Variants in TEX11 observed in about 807,000 individuals in gnomAD.
TEX11 encodes testis expressed 11.
In TEX11, 7 loss-of-function variants were observed where a neutral mutation model predicts 84.4. The ratio of observed to expected loss-of-function variants is 0.08; its 90% CI spans 0.05 to 0.16. The LOEUF is 0.16. Ranked by LOEUF, TEX11 falls within the 10% of genes least tolerant of loss-of-function variation. TEX11 has a pLI of 1.00. For missense variants in TEX11, 551 were observed against 660.5 expected (o/e 0.83, Z 1.82); for synonymous variants, 264 against 222.8 (o/e 1.18, Z -1.64).
rs751207556 is a variant in TEX11 at position 70,561,427 on chromosome X, G to A, written c.2141-6627C>T. Among the ~76,000 whole-genome samples, 18 of 88,669 alleles carry A rather than the reference G, an allele frequency of 2.0e-4. No individual in the cohort carries two copies. The East Asian group carries it at 3.5e-3, about 17-fold the overall frequency. 77.0% of individuals were successfully genotyped at this position (88,669 alleles called of 115,157 possible). On this transcript the variant is annotated intron_variant, in intron 25 of 29. Coordinates refer to ENST00000374333, the MANE Select transcript of TEX11 (RefSeq NM_031276.3). The stretch of plus-strand genomic sequence containing the variant: ...TTTTTTGACAGAGTCTCGTTCTGTC[G>A]CCCAGGCTGGAGTGTGGTGGCGTGA...
chrX:70,731,366 C>G (rs2090648844), intron 11 of TEX11, among the ~76,000 whole-genome samples: 1 of 110,814 alleles, frequency 9.0e-6, no homozygotes, highest in Admixed American at 9.6e-5. Flanking sequence ...AATCCAGGAG[C>G]TGGTTTTTTG....
intron 25 of TEX11, among the ~76,000 whole-genome samples, chrX:70,555,843 T>C (rs2088279510): frequency 8.9e-6 from 1 of 112,283 alleles, no homozygotes; most frequent in Non-Finnish European, 1.9e-5. Context: ...TATATATTTC[T>C]TCTTGAGGGA....
chrX:70,575,778 C>T (rs2088665453), intron 25 of TEX11, among the ~76,000 whole-genome samples: 2 of 111,951 alleles, frequency 1.8e-5, no homozygotes, highest in African/African-American at 6.5e-5. Flanking sequence ...AGATAATCCC[C>T]AAACTAACAA....
At chrX:70,590,781 C>A (rs866253623) in intron 25 of TEX11, among the ~76,000 whole-genome samples, 1 of 111,600 alleles carries the variant, frequency 9.0e-6, no homozygotes, top group Non-Finnish European at 1.9e-5. Flanking sequence ...GAGTTTCGCT[C>A]TTGTTGCCCA....
At chrX:70,844,045 C>T (rs1332178710) in intron 7 of TEX11, among the ~76,000 whole-genome samples, 2 of 110,384 alleles carry the variant, frequency 1.8e-5, no homozygotes, top group Non-Finnish European at 3.8e-5. Flanking sequence ...TTGTGGAAGT[C>T]AGTGTGGCGA....
intron 13 of TEX11, among the ~76,000 whole-genome samples, chrX:70,705,527 A>G (rs1218951120): frequency 8.9e-6 from 1 of 111,894 alleles, no homozygotes; most frequent in Non-Finnish European, 1.9e-5. Flanking sequence ...CAGGCAACCT[A>G]CAGAATGGGA....
chrX:70,798,628 C>T (rs2091169664), intron 9 of TEX11, among the ~76,000 whole-genome samples: 1 of 111,914 alleles, frequency 8.9e-6, no homozygotes, highest in Admixed American at 9.5e-5. Context: ...ATGGTATGGA[C>T]ATTTTAAAAA....
the TEX11 span, among the ~76,000 whole-genome samples, chrX:70,514,986 T>G: frequency 9.1e-6 from 1 of 109,721 alleles, no homozygotes; most frequent in South Asian, 4.0e-4. Flanking sequence ...GAGAATCACT[T>G]GAACCTGGGA....
chrX:70,610,498 T>G lies in TEX11; in HGVS notation c.1792+5A>C, dbSNP rs1796426901. ...AGGACTGAATATAACCAGGGAGATA[T>G]TTACCTCTATTCAGGCAAGTCAAAA... On this transcript the variant is annotated splice_donor_5th_base_variant and intron_variant, in intron 21 of 29. Coordinates refer to ENST00000374333, the MANE Select transcript of TEX11 (RefSeq NM_031276.3). 8.3e-7 allele frequency: 1 copy of G among 1,201,827 alleles called. No homozygotes were observed. Among genetic ancestry groups the G allele is most frequent in the Admixed American group, 2.2e-5 (1 of 44,966 alleles).
chrX:70,702,706 C>T (rs1229557460), intron 13 of TEX11, among the ~76,000 whole-genome samples: 1 of 111,635 alleles, frequency 9.0e-6, no homozygotes, highest in East Asian at 2.8e-4. Flanking sequence ...TCCTTCTCCC[C>T]ACCATCCCTA....
At chrX:70,622,930 T>C (rs1231880776) in intron 20 of TEX11, among the ~76,000 whole-genome samples, 2 of 112,191 alleles carry the variant, frequency 1.8e-5, no homozygotes, top group African/African-American at 6.5e-5. Context: ...TTATCATGTC[T>C]AAAAGTTAAT....
chrX:70,644,108 A>G (rs1198597046), intron 17 of TEX11, among the ~76,000 whole-genome samples: 1 of 102,625 alleles, frequency 9.7e-6, no homozygotes, highest in East Asian at 3.1e-4. Flanking sequence ...AAAAGTGGGC[A>G]AAGGACATGA....
chrX:70,520,200 CT>C, the TEX11 span, among the ~76,000 whole-genome samples: 1 of 111,929 alleles, frequency 8.9e-6, no homozygotes, highest in African/African-American at 3.2e-5. Flanking sequence ...AAGAGGTGCT[CT>C]GGTTTTTAGA....
At chrX:70,764,106 C>T (rs974235229) in intron 9 of TEX11, among the ~76,000 whole-genome samples, 1 of 111,684 alleles carries the variant, frequency 9.0e-6, no homozygotes, top group Non-Finnish European at 1.9e-5. Context: ...GTTGTAAACA[C>T]GCAAAAATTC....
At position 70,584,289 on chromosome X, in the gene TEX11, C is replaced by CAA. The variant is rs143182132; in HGVS notation, c.2140+7460_2140+7461dup. ...TGGGCGACAGAGCGAGACTCCGTCT[C>CAA]AAAAAAAAAAAAAAAAATGACAAAT... On this transcript the variant is annotated intron_variant, in intron 25 of 29. Coordinates refer to ENST00000374333, the MANE Select transcript of TEX11 (RefSeq NM_031276.3). 4.6e-4 allele frequency among the ~76,000 whole-genome samples: 25 copies of CAA among 53,769 alleles called. No homozygotes were observed. The South Asian group carries it at 8.0e-3, about 17-fold the overall frequency. 46.7% of individuals were successfully genotyped at this position (53,769 alleles called of 115,157 possible).
chrX:70,880,154 T>G, intron 2 of TEX11, 45 bp from the exon 3 acceptor site: 1 of 1,034,215 alleles, frequency 9.7e-7, no homozygotes, highest in Non-Finnish European at 1.3e-6. Context: ...CTATTACCAT[T>G]GGCTAAATGT....
At chrX:70,842,968 T>C (rs765266976) in intron 7 of TEX11, among the ~76,000 whole-genome samples, 1 of 111,157 alleles carries the variant, frequency 9.0e-6, no homozygotes, top group African/African-American at 3.3e-5. Context: ...CACTGCTCAG[T>C]GAAATAAAAG....
chrX:70,659,726 G>C (rs765716431), intron 16 of TEX11, among the ~76,000 whole-genome samples: 2 of 112,091 alleles, frequency 1.8e-5, no homozygotes, highest in African/African-American at 6.5e-5. Context: ...AAAACTGAAA[G>C]CAGGAACTCA....
At chrX:70,902,294 C>T (rs1314639276) in intron 2 of TEX11, among the ~76,000 whole-genome samples, 1 of 110,724 alleles carries the variant, frequency 9.0e-6, no homozygotes, top group African/African-American at 3.3e-5. Flanking sequence ...AAAAGGTACA[C>T]CTGTATAGGG....
Sources: allele counts gnomAD v4.1 joint callset (sites outside exome capture counted in the v4.1 genomes callset), GRCh38; gene constraint gnomAD v4.1.1; transcripts MANE v1.5; gene names NCBI Gene and HGNC (gene_info 2026-07-23, HGNC 2026-07-21).